LNPK: variants seen among roughly 807,000 people sequenced by gnomAD.
LNPK encodes lunapark, ER junction formation factor, also known as endoplasmic reticulum junction formation protein lunapark.
In LNPK, 29 loss-of-function variants were observed where a neutral mutation model predicts 55.2. The observed-to-expected ratio is 0.53, with a 90% CI of 0.39 to 0.72. The LOEUF (loss-of-function observed/expected upper bound fraction) is 0.72, where lower values mean the gene tolerates loss of function less well. Among genes scored for constraint, LNPK ranks in the 30% least tolerant of loss-of-function variants. The pLI is 0.00. For missense variants in LNPK, 467 were observed against 494.8 expected (o/e 0.94, Z 0.53); for synonymous variants, 162 against 168.2 (o/e 0.96, Z 0.29).
chr2:175,984,428 T>C (rs147182434), intron 4 of LNPK, among the ~76,000 whole-genome samples: 155 of 151,946 alleles, frequency 1.0e-3, no homozygotes, highest in African/African-American at 3.3e-3. Context: ...CCCGCCTCAG[T>C]CTCCCAAAGT....
chr2:175,932,668 T>A (rs1684335007), intron 12 of LNPK, among the ~76,000 whole-genome samples: 1 of 152,190 alleles, frequency 6.6e-6, no homozygotes, highest in South Asian at 2.1e-4. Flanking sequence ...TCAAACAAGA[T>A]CTAAATAATT....
chr2:175,937,736 A>G (rs1024608440), intron 11 of LNPK: 5 of 379,776 alleles, frequency 1.3e-5, no homozygotes, highest in South Asian at 5.1e-5. Context: ...CAGAAAAGGC[A>G]TAACAGGTTA....
chr2:175,943,179 G>A (rs1450426192), intron 9 of LNPK, among the ~76,000 whole-genome samples: 1 of 149,326 alleles, frequency 6.7e-6, no homozygotes, highest in Non-Finnish European at 1.5e-5. Flanking sequence ...TGTGATATTG[G>A]TCACAGTTTT....
intron 12 of LNPK, among the ~76,000 whole-genome samples, chr2:175,934,930 C>T (rs1014660937): frequency 2.0e-5 from 3 of 151,974 alleles, no homozygotes; most frequent in Admixed American, 2.0e-4. Context: ...AGGTCTCCTC[C>T]TTTGATGAAA....
intron 8 of LNPK, among the ~76,000 whole-genome samples, chr2:175,950,757 C>T (rs1685356717): frequency 6.6e-6 from 1 of 152,008 alleles, no homozygotes; most frequent in Non-Finnish European, 1.5e-5. Flanking sequence ...ACCTCTTATG[C>T]TTGTTGTAAA....
At chr2:175,953,080 C>T (rs1685499927) in intron 8 of LNPK, among the ~76,000 whole-genome samples, 1 of 152,038 alleles carries the variant, frequency 6.6e-6, no homozygotes. Flanking sequence ...GACAAAAATG[C>T]CCATATTCTC....
In LNPK at chr2:175,995,727, ATG is replaced by A; in HGVS notation, c.-62-83_-62-82del. The A allele has an allele frequency of 6.4e-6, 3 of 468,918 alleles. No homozygotes were observed. The South Asian group carries it at 9.0e-5, about 14-fold the overall frequency. The allele number at this position is 468,918 out of a possible 1,614,324, so 29.0% of individuals were successfully genotyped here. On this transcript the variant is annotated intron_variant, in intron 1 of 12. Coordinates refer to ENST00000272748, the MANE Select transcript of LNPK (RefSeq NM_030650.3). ...TAGATGTTGCAATACTGCCTAAAAA[ATG>A]TTATGAAATATTAATTTATTTGGAT... is the stretch of plus-strand genomic sequence containing the variant.
chr2:175,926,454 T>C lies in LNPK; in HGVS notation c.*3513A>G, dbSNP rs1272961043. On this transcript the variant is annotated 3_prime_UTR_variant, in exon 13 of 13. Transcript: ENST00000272748. ...CTCACCAGATGCTAGCATCATGCCT[T>C]TGGATTTCCCAGGTTCCAGAACTGT... is the stretch of plus-strand genomic sequence containing the variant. 2 of 152,248 alleles carry C rather than the reference T, an allele frequency of 1.3e-5. No individual in the cohort carries two copies. The highest frequency in any genetic ancestry group is 4.8e-5 in the African/African-American group (2 of 41,462). 9.4% of individuals were successfully genotyped at this position (152,248 alleles called of 1,614,324 possible).
intron 2 of LNPK, among the ~76,000 whole-genome samples, chr2:175,993,982 T>C (rs1460423755): frequency 6.6e-6 from 1 of 152,164 alleles, no homozygotes; most frequent in Non-Finnish European, 1.5e-5. Flanking sequence ...ATCTTCTTTC[T>C]AAATTCCTAA....
chr2:175,993,088 C>A, intron 3 of LNPK, 94 bp downstream of exon 3: 2 of 723,524 alleles, frequency 2.8e-6, no homozygotes, highest in South Asian at 2.0e-5. Flanking sequence ...TCTAAATTCC[C>A]ATACCAGATT....
chr2:175,960,238 C>A (rs569864070), intron 8 of LNPK, among the ~76,000 whole-genome samples: 1 of 152,176 alleles, frequency 6.6e-6, no homozygotes, highest in East Asian at 1.9e-4. Flanking sequence ...CTCTCCACCC[C>A]AAATCAACAG....
At chr2:175,999,943 T>A (rs1839007) in intron 1 of LNPK, among the ~76,000 whole-genome samples, 72,697 of 152,030 alleles carry the variant, frequency 0.48, 18,058 homozygotes, top group East Asian at 0.71. Context: ...TTTTTGTGTT[T>A]TTAGTAGAGA....
rs1684051829 is a variant in LNPK, at chr2:175,927,240, TG to T, written c.*2726del. 2 of 152,256 alleles carry T rather than the reference TG, an allele frequency of 1.3e-5. No homozygotes were observed. Among genetic ancestry groups the T allele is most frequent in the South Asian group, 4.1e-4 (2 of 4,832 alleles). The allele number at this position is 152,256 out of a possible 1,614,324, so 9.4% of individuals were successfully genotyped here. On this transcript the variant is annotated 3_prime_UTR_variant, in exon 13 of 13. Transcript: ENST00000272748. ...TGAAACAAGAACTGAGAGTTTTCAC[TG>T]GATTTGGCAACAAAGTATTTATTCA...
intron 8 of LNPK, among the ~76,000 whole-genome samples, chr2:175,953,789 A>AG (rs1346751828): frequency 7.5e-5 from 11 of 147,310 alleles, no homozygotes; most frequent in Non-Finnish European, 1.4e-4. Context: ...AAAAAAAAAA[A>AG]GTATTCTTCA....
At chr2:175,968,251 T>C (rs1352481849) in intron 6 of LNPK, among the ~76,000 whole-genome samples, 1 of 152,198 alleles carries the variant, frequency 6.6e-6, no homozygotes. Context: ...TAAGCTTTAA[T>C]TCTCAGGGAA....
chr2:175,996,071 C>T (rs551310751), intron 1 of LNPK, among the ~76,000 whole-genome samples: 6 of 152,196 alleles, frequency 3.9e-5, no homozygotes, highest in African/African-American at 1.4e-4. Context: ...CCTTGGCCTC[C>T]TAAACTGCTG....
chr2:175,988,007 A>G (rs1299906200), intron 4 of LNPK, among the ~76,000 whole-genome samples: 1 of 152,238 alleles, frequency 6.6e-6, no homozygotes, highest in East Asian at 1.9e-4. Flanking sequence ...TTCAATCAAT[A>G]TAACTAAACC....
Position 175,929,473 on chromosome 2 carries a change from T to C in LNPK, c.*494A>G. The C allele has an allele frequency of 1.0e-6, 1 of 989,726 alleles. No homozygotes were observed. Among genetic ancestry groups the C allele is most frequent in the Non-Finnish European group, 1.2e-6 (1 of 832,570 alleles). 61.3% of individuals were successfully genotyped at this position (989,726 alleles called of 1,614,324 possible). A position where few individuals can be genotyped will look rare whatever the true frequency, so the allele number is the denominator to read the frequency against. ...TATGTGGTAACAACTTTCATACCGC[T>C]TAATGTAAACACCTAAATAGACATT... On this transcript the variant is annotated 3_prime_UTR_variant, in exon 13 of 13. Coordinates refer to ENST00000272748, the MANE Select transcript of LNPK (RefSeq NM_030650.3).
At chr2:175,965,383 A>G (rs1559053049) in intron 6 of LNPK, among the ~76,000 whole-genome samples, 1 of 152,236 alleles carries the variant, frequency 6.6e-6, no homozygotes, top group Admixed American at 6.5e-5. Context: ...CTAGTTCAAC[A>G]TCAGAAAAAG....
Sources: allele counts gnomAD v4.1 joint callset (sites outside exome capture counted in the v4.1 genomes callset), GRCh38; gene constraint gnomAD v4.1.1; transcripts MANE v1.5; gene names NCBI Gene and HGNC (gene_info 2026-07-23, HGNC 2026-07-21).